Variants in CMTM1 observed in about 807,000 individuals in gnomAD.
The protein encoded by CMTM1 is CKLF like MARVEL transmembrane domain containing 1.
CMTM1 carries 16 observed loss-of-function variants against 17.8 expected under a neutral mutation model. That is an observed-to-expected ratio of 0.90 (90% confidence interval 0.61 to 1.37). The LOEUF (loss-of-function observed/expected upper bound fraction) is 1.37, where lower values mean the gene tolerates loss of function less well. Among genes scored for constraint, CMTM1 ranks in the 40% most tolerant of loss-of-function variants. CMTM1 has a pLI of 0.00. For synonymous variants in CMTM1, 169 were observed against 154.6 expected (o/e 1.09, Z -0.69); for missense variants, 354 against 375.6 (o/e 0.94, Z 0.47).
At chr16:66,575,704 G>T (rs2014146231) in intron 2 of CMTM1, among the ~76,000 whole-genome samples, 3 of 152,222 alleles carry the variant, frequency 2.0e-5, no homozygotes. Flanking sequence ...AGGCTGCTTT[G>T]TGAGGGTTAA....
chr16:66,574,872 T>A (rs1357773294), intron 2 of CMTM1: 1 of 789,528 alleles, frequency 1.3e-6, no homozygotes, highest in Admixed American at 6.2e-5. Flanking sequence ...TTGAAGTTTA[T>A]ACTCTGCTTC....
Position 66,579,071 on chromosome 16 carries a change from G to C in CMTM1, c.*70G>C. On this transcript the variant is annotated 3_prime_UTR_variant, in exon 4 of 4. Transcript: ENST00000379500. The surrounding 1 kb of genome is among the most constrained non-coding windows in gnomAD (Gnocchi z 6.5). ...TGCCTCCGAGCCCACCCCCGAGCTCGCATGCTGTCACCCATTCCAGCCTAA... is the reference window on the plus strand; with the variant it reads ...TGCCTCCGAGCCCACCCCCGAGCTCCCATGCTGTCACCCATTCCAGCCTAA... 1 of 1,562,854 alleles carries C rather than the reference G, an allele frequency of 6.4e-7. No homozygotes were observed. The highest frequency in any genetic ancestry group is 8.7e-7 in the Non-Finnish European group (1 of 1,154,396).
chr16:66,574,625 A>T (rs1453302463), intron 2 of CMTM1, among the ~76,000 whole-genome samples: 1 of 152,242 alleles, frequency 6.6e-6, no homozygotes, highest in Non-Finnish European at 1.5e-5. Flanking sequence ...CTTTGTAAGT[A>T]AGGACCACAG....
Position 66,569,999 on chromosome 16 carries a change from A to G in CMTM1, c.496A>G (p.Ile166Val). The stretch of plus-strand genomic sequence containing the variant: ...CCAAGCCAATGAGTCATTTATAACA[A>G]TCACAAGTCTGGAAATCTGCATTGT... ...ITQANESFIT[I>V]TSLEICIVVF... Residue 166 changes from isoleucine to valine, a missense_variant, in exon 2 of 4, where the codon ATC becomes GTC. Coordinates refer to ENST00000379500, the MANE Select transcript of CMTM1 (RefSeq NM_052999.4). The G allele has an allele frequency of 6.2e-7, 1 of 1,613,228 alleles. No individual in the cohort carries two copies. Among genetic ancestry groups the G allele is most frequent in the Non-Finnish European group, 8.5e-7 (1 of 1,179,428 alleles).
chr16:66,576,089 G>C (rs981326067), intron 2 of CMTM1, among the ~76,000 whole-genome samples: 11 of 152,170 alleles, frequency 7.2e-5, no homozygotes, highest in Admixed American at 1.3e-4. Context: ...AAGCAGGTTG[G>C]GCTAGCAGTT....
At position 66,566,951 on chromosome 16, in the gene CMTM1, C is replaced by G. The variant is rs917110352; in HGVS notation, c.432+6C>G. 1 of 1,613,916 alleles carries G rather than the reference C, an allele frequency of 6.2e-7. No individual in the cohort carries two copies. Among genetic ancestry groups the G allele is most frequent in the Admixed American group, 1.7e-5 (1 of 59,990 alleles). ...TGTTGAAGATCCTGAGACTGGTGAGCGGAGAGCTGGTGAGACCTAGCTGGG... is the reference window on the plus strand; with the variant it reads ...TGTTGAAGATCCTGAGACTGGTGAGGGGAGAGCTGGTGAGACCTAGCTGGG... On this transcript the variant is annotated splice_donor_region_variant and intron_variant, in intron 1 of 3. Transcript: ENST00000379500. This position sits in a 1 kb window ranked among gnomAD's most constrained non-coding sequence, Gnocchi z 4.9.
intron 2 of CMTM1, chr16:66,574,937 C>T: frequency 1.0e-6 from 1 of 985,120 alleles, no homozygotes; most frequent in Non-Finnish European, 1.2e-6. Context: ...ATACAATCCT[C>T]AGGTGTAAGC....
intron 2 of CMTM1, among the ~76,000 whole-genome samples, chr16:66,570,555 G>A (rs768860728): frequency 7.2e-5 from 11 of 151,966 alleles, no homozygotes; most frequent in Non-Finnish European, 1.5e-5. Context: ...TGTGTGTTAG[G>A]GTCCATATCA....
Position 66,566,468 on chromosome 16 carries a change from C to A in CMTM1, c.-46C>A. On this transcript the variant is annotated 5_prime_UTR_variant, in exon 1 of 4. Transcript: ENST00000379500. This position sits in a 1 kb window ranked among gnomAD's most constrained non-coding sequence, Gnocchi z 4.9. ...CGCTGGTTCCCAGGGGAGAGCCAGC[C>A]GCTGCCGCGGCACTGGTTCAGACGG... 6.6e-7 allele frequency: 1 copy of A among 1,519,792 alleles called. No homozygotes were observed. Among genetic ancestry groups the A allele is most frequent in the East Asian group, 2.3e-5 (1 of 44,236 alleles). The allele number at this position is 1,519,792 out of a possible 1,614,324, so 94.1% of individuals were successfully genotyped here.
rs561639060 is a variant in CMTM1, at chr16:66,578,456, C to T, written c.691-375C>T. On this transcript the variant is annotated intron_variant, in intron 3 of 3. Transcript: ENST00000379500. The stretch of plus-strand genomic sequence containing the variant: ...GTCCAGTGCCTGGGTCCTCCTCCTC[C>T]CCTTAGGAACTCCTTCCTGCCCTTT... Among the ~76,000 whole-genome samples the T allele has an allele frequency of 8.9e-4, 135 of 152,262 alleles. 2 individuals are homozygous for T. The highest frequency in any genetic ancestry group is 7.7e-4 in the East Asian group (4 of 5,172).
At chr16:66,575,793 T>C (rs1418031160) in intron 2 of CMTM1, among the ~76,000 whole-genome samples, 1 of 152,216 alleles carries the variant, frequency 6.6e-6, no homozygotes, top group African/African-American at 2.4e-5. Context: ...CATGATACCA[T>C]ACACTGGATG....
intron 2 of CMTM1, among the ~76,000 whole-genome samples, chr16:66,570,763 C>A (rs80011603): frequency 0.013 from 1,910 of 152,284 alleles, 23 homozygotes; most frequent in Non-Finnish European, 0.018. Context: ...AGCTATGTAA[C>A]CTTTAGCCTC....
Position 66,566,457 on chromosome 16 carries a change from G to A in CMTM1, c.-57G>A. On this transcript the variant is annotated 5_prime_UTR_variant, in exon 1 of 4. Transcript: ENST00000379500. The surrounding 1 kb of genome is among the most constrained non-coding windows in gnomAD (Gnocchi z 4.9). ...TTGGGACGCGACGCTGGTTCCCAGG[G>A]GAGAGCCAGCCGCTGCCGCGGCACT... 1 of 1,504,586 alleles carries A rather than the reference G, an allele frequency of 6.6e-7. No homozygotes were observed. The highest frequency in any genetic ancestry group is 2.3e-5 in the East Asian group (1 of 44,214). 93.2% of individuals were successfully genotyped at this position (1,504,586 alleles called of 1,614,324 possible).
chr16:66,571,301 G>A (rs1024082244), intron 2 of CMTM1: 1 of 408,566 alleles, frequency 2.4e-6, no homozygotes, highest in Non-Finnish European at 4.9e-6. Flanking sequence ...CATATACCAT[G>A]TGCCAGATAC....
In CMTM1 at chr16:66,566,970, AGCTGGGCGGATGTGGCC is replaced by A. The variant is rs1367579118; in HGVS notation, c.432+27_432+43del. 1.9e-5 allele frequency: 31 copies of A among 1,613,744 alleles called. No individual in the cohort carries two copies. The highest frequency in any genetic ancestry group is 2.5e-5 in the Non-Finnish European group (30 of 1,179,758). ...GGTGAGCGGAGAGCTGGTGAGACCTAGCTGGGCGGATGTGGCCGGCAGTGGCCTCGGGGAAATGCCCA... is the reference window on the plus strand; with the variant it reads ...GGTGAGCGGAGAGCTGGTGAGACCTAGGCAGTGGCCTCGGGGAAATGCCCA... On this transcript the variant is annotated intron_variant, in intron 1 of 3. Coordinates refer to ENST00000379500, the MANE Select transcript of CMTM1 (RefSeq NM_052999.4). The surrounding 1 kb of genome is among the most constrained non-coding windows in gnomAD (Gnocchi z 4.9).
At chr16:66,574,610 C>T (rs745730017) in intron 2 of CMTM1, among the ~76,000 whole-genome samples, 10 of 152,152 alleles carry the variant, frequency 6.6e-5, no homozygotes, top group Admixed American at 1.3e-4. Context: ...TTCAGGAGAG[C>T]GCTTCTTTGT....
At chr16:66,573,055 G>A (rs1424459514) in intron 2 of CMTM1, among the ~76,000 whole-genome samples, 1 of 152,138 alleles carries the variant, frequency 6.6e-6, no homozygotes, top group Non-Finnish European at 1.5e-5. Flanking sequence ...GCTGTGAAGG[G>A]TGTGCCAGGG....
intron 2 of CMTM1, among the ~76,000 whole-genome samples, chr16:66,574,385 C>T (rs1462015759): frequency 2.0e-5 from 3 of 152,176 alleles, no homozygotes; most frequent in African/African-American, 7.2e-5. Context: ...GGCTCATGGG[C>T]ACTCAAATCA....
intron 2 of CMTM1, chr16:66,571,309 T>C (rs2013497533): frequency 2.5e-6 from 1 of 395,566 alleles, no homozygotes; most frequent in Admixed American, 3.1e-5. Flanking sequence ...ATGTGCCAGA[T>C]ACTTTTTCAT....
Sources: gnomAD v4.1 joint callset for allele counts (sites outside exome capture counted in the v4.1 genomes callset) on GRCh38, gnomAD v4.1.1 for gene constraint, Gnocchi (gnomAD v3.1) non-coding constraint, MANE v1.5 for transcripts, NCBI Gene and HGNC (gene_info 2026-07-23, HGNC 2026-07-21) for gene names.